ACVR2A: variants seen among roughly 807,000 people sequenced by gnomAD.
ACVR2A encodes activin receptor type-2A.
In ACVR2A, 7 loss-of-function variants were observed where a neutral mutation model predicts 61.4. The observed-to-expected ratio is 0.11, with a 90% CI of 0.06 to 0.21. The LOEUF (loss-of-function observed/expected upper bound fraction) is 0.21, where lower values mean the gene tolerates loss of function less well. Among genes scored for constraint, ACVR2A ranks in the 10% least tolerant of loss-of-function variants. The pLI is 1.00. For synonymous variants in ACVR2A, 193 were observed against 208.3 expected, an observed-to-expected ratio of 0.93 and a Z score of 0.63; for missense variants, 322 against 621.7, an observed-to-expected ratio of 0.52 and a Z score of 5.13.
intron 4 of ACVR2A, chr2:147,902,737 A>G (rs1393777779): frequency 1.3e-5 from 2 of 151,992 alleles, no homozygotes; most frequent in African/African-American, 4.8e-5. Flanking sequence ...AATTCCTATT[A>G]AGACTTTTTC....
In ACVR2A at chr2:147,845,030, T is replaced by G. The variant is rs10197884; in HGVS notation, c.-123T>G. 1 of 244,948 alleles carries G rather than the reference T, an allele frequency of 4.1e-6. No individual in the cohort carries two copies. The highest frequency in any genetic ancestry group is 7.9e-6 in the Non-Finnish European group (1 of 127,096). 15.2% of individuals were successfully genotyped at this position (244,948 alleles called of 1,614,324 possible). Reference sequence around the variant, plus strand: ...TTTTTTTTTTTTTTTTTTTTTTTGGTCTGGGCTTCCGAATATGTTTTATGA... The same window carrying G: ...TTTTTTTTTTTTTTTTTTTTTTTGGGCTGGGCTTCCGAATATGTTTTATGA... On this transcript the variant is annotated 5_prime_UTR_variant, in exon 1 of 11. Transcript: ENST00000241416.
intron 1 of ACVR2A, among the ~76,000 whole-genome samples, chr2:147,848,315 T>A (rs548408009): frequency 1.2e-4 from 19 of 152,194 alleles, no homozygotes; most frequent in Non-Finnish European, 2.5e-4. Flanking sequence ...TTTTCCTGTT[T>A]ATGATCTAAG....
At chr2:147,901,103 A>C (rs1171687284) in intron 4 of ACVR2A, among the ~76,000 whole-genome samples, 1 of 152,090 alleles carries the variant, frequency 6.6e-6, no homozygotes, top group African/African-American at 2.4e-5. Flanking sequence ...TGTGTTCATT[A>C]AGAATCATTT....
intron 4 of ACVR2A, among the ~76,000 whole-genome samples, chr2:147,905,847 AAGGG>A (rs1342410390): frequency 2.6e-5 from 4 of 152,146 alleles, no homozygotes; most frequent in Non-Finnish European, 2.9e-5. Flanking sequence ...CAAAAGCAAA[AAGGG>A]AGGAAGGGGA....
intron 5 of ACVR2A, 50 bp from the exon 6 acceptor site, chr2:147,917,233 A>T: frequency 6.4e-7 from 1 of 1,573,502 alleles, no homozygotes; most frequent in Non-Finnish European, 8.7e-7. Context: ...TGCATGGTTT[A>T]TTAAACCTGT....
chr2:147,920,365 AT>A, intron 8 of ACVR2A, 21 bp downstream of exon 8: 2 of 1,546,718 alleles, frequency 1.3e-6, no homozygotes, highest in Non-Finnish European at 1.8e-6. Context: ...TGATTATAAA[AT>A]GTAAGAAAAA....
chr2:147,917,408 C>A lies in ACVR2A; in HGVS notation c.798C>A (p.Ile266=), dbSNP rs866994848. The change falls in exon 6 of 11, where the codon ATC becomes ATA. Residue 266 remains isoleucine (I), a synonymous_variant. Coordinates refer to ENST00000241416, the MANE Select transcript of ACVR2A (RefSeq NM_001616.5). ...GTGTTGATGTGGATCTTTGGCTGAT[C>A]ACAGCATTTCATGAAAAGGTAAAAC... ...GTSVDVDLWL[I]TAFHEKGSLS... The A allele has an allele frequency of 3.7e-6, 6 of 1,611,924 alleles. No homozygotes were observed. Among genetic ancestry groups the A allele is most frequent in the Non-Finnish European group, 5.1e-6 (6 of 1,178,696 alleles).
At chr2:147,849,138 A>G (rs1319721504) in intron 1 of ACVR2A, among the ~76,000 whole-genome samples, 1 of 152,164 alleles carries the variant, frequency 6.6e-6, no homozygotes, top group Non-Finnish European at 1.5e-5. Flanking sequence ...AAACTCTCCT[A>G]TCACCGATTT....
Position 147,917,864 on chromosome 2 carries a change from C to T in ACVR2A, c.816+438C>T, listed in dbSNP as rs988273816. Among the ~76,000 whole-genome samples the T allele has an allele frequency of 5.3e-5, 8 of 151,894 alleles. No individual in the cohort carries two copies. The East Asian group carries it at 1.5e-3, about 29-fold the overall frequency. Reference sequence around the variant, plus strand: ...TCACTAACTTGCAGGGTAATTATCACCAAAATGTAATTGCTAGTTTTCCTC... The same window carrying T: ...TCACTAACTTGCAGGGTAATTATCATCAAAATGTAATTGCTAGTTTTCCTC... On this transcript the variant is annotated intron_variant, in intron 6 of 10. Transcript: ENST00000241416.
intron 1 of ACVR2A, among the ~76,000 whole-genome samples, chr2:147,890,773 G>A (rs1327707784): frequency 3.9e-5 from 6 of 151,920 alleles, no homozygotes; most frequent in Admixed American, 3.9e-4. Flanking sequence ...TGTAATGTAA[G>A]CTTAAGAATA....
At chr2:147,914,478 A>G (rs924842435) in intron 4 of ACVR2A, among the ~76,000 whole-genome samples, 2 of 151,996 alleles carry the variant, frequency 1.3e-5, no homozygotes, top group Admixed American at 6.6e-5. Context: ...ATATCCTGTT[A>G]TCTACTATGA....
At chr2:147,845,358 C>CCCG in intron 1 of ACVR2A, 151 bp downstream of exon 1, 1 of 539,810 alleles carries the variant, frequency 1.9e-6, no homozygotes, top group Non-Finnish European at 3.1e-6. Context: ...GCCCCCCCCC[C>CCCG]CCGCCCCCAG....
chr2:147,903,614 T>C (rs1019933470), intron 4 of ACVR2A, among the ~76,000 whole-genome samples: 2 of 151,968 alleles, frequency 1.3e-5, no homozygotes, highest in Non-Finnish European at 2.9e-5. Context: ...ACATGTGGTC[T>C]TCCATACTCT....
intron 1 of ACVR2A, 78 bp from the exon 2 acceptor site, chr2:147,896,223 C>G: frequency 7.5e-7 from 1 of 1,332,038 alleles, no homozygotes; most frequent in Non-Finnish European, 1.0e-6. Flanking sequence ...TTAGGAATAC[C>G]TAAAGTTGCT....
intron 1 of ACVR2A, among the ~76,000 whole-genome samples, chr2:147,853,863 A>G (rs541224297): frequency 1.3e-5 from 2 of 152,230 alleles, no homozygotes; most frequent in East Asian, 1.9e-4. Flanking sequence ...GCTCCAAGGC[A>G]TTATTTCAAG....
At chr2:147,868,091 C>T (rs2105153489) in intron 1 of ACVR2A, among the ~76,000 whole-genome samples, 1 of 152,298 alleles carries the variant, frequency 6.6e-6, no homozygotes, top group South Asian at 2.1e-4. Flanking sequence ...AAGTTTTTCT[C>T]ATTCATCTCT....
At chr2:147,925,940 G>T in intron 9 of ACVR2A, 91 bp from the exon 10 acceptor site, 1 of 1,320,816 alleles carries the variant, frequency 7.6e-7, no homozygotes, top group African/African-American at 1.5e-5. Context: ...TTGGGAATAG[G>T]TGACAGAGTA....
intron 3 of ACVR2A, 79 bp from the exon 4 acceptor site, chr2:147,899,665 A>G (rs1024845735): frequency 1.9e-6 from 3 of 1,589,154 alleles, no homozygotes. Context: ...CTCTTCCCCA[A>G]AATTTGAGAC....
intron 1 of ACVR2A, among the ~76,000 whole-genome samples, chr2:147,851,420 C>T (rs1484980538): frequency 2.6e-5 from 4 of 152,102 alleles, no homozygotes; most frequent in African/African-American, 9.7e-5. Flanking sequence ...GTGCCTACCT[C>T]AGAGAGTGGT....
Sources: allele counts gnomAD v4.1 joint callset (sites outside exome capture counted in the v4.1 genomes callset), GRCh38; gene constraint gnomAD v4.1.1; transcripts MANE v1.5; gene names NCBI Gene and HGNC (gene_info 2026-07-23, HGNC 2026-07-21).